PPP1R42: variants seen among roughly 807,000 people sequenced by gnomAD.
The protein encoded by PPP1R42 is protein phosphatase 1 regulatory subunit 42, also known as leucine rich repeat containing 67.
In PPP1R42, 34 loss-of-function variants were observed where a neutral mutation model predicts 31.0. The observed-to-expected ratio is 1.10, with a 90% CI of 0.83 to 1.46. The LOEUF (loss-of-function observed/expected upper bound fraction) is 1.46. Among genes scored for constraint, PPP1R42 ranks in the 40% most tolerant of loss-of-function variants. The pLI is 0.00. For synonymous variants in PPP1R42, 103 were observed against 109.8 expected, an observed-to-expected ratio of 0.94 and a Z score of 0.39; for missense variants, 268 against 303.0, an observed-to-expected ratio of 0.88 and a Z score of 0.86.
At chr8:67,002,347 G>A (rs1305479226) in intron 5 of PPP1R42, among the ~76,000 whole-genome samples, 1 of 152,124 alleles carries the variant, frequency 6.6e-6, no homozygotes, top group Non-Finnish European at 1.5e-5. Flanking sequence ...CTACAGGCAT[G>A]AGCCACTACA....
intron 6 of PPP1R42, chr8:66,985,298 GGT>G (rs1449579142): frequency 1.2e-6 from 1 of 854,692 alleles, no homozygotes; most frequent in Non-Finnish European, 2.0e-6. Flanking sequence ...GGTCAAAAAA[GGT>G]ATTGGACTCC....
At chr8:67,015,914 T>A (rs1045169579) in intron 2 of PPP1R42, among the ~76,000 whole-genome samples, 2 of 152,244 alleles carry the variant, frequency 1.3e-5, no homozygotes, top group African/African-American at 4.8e-5. Context: ...TAGAAGTTAT[T>A]CTCATTTTAG....
chr8:67,020,562 A>G (rs1411961426), intron 1 of PPP1R42, among the ~76,000 whole-genome samples: 2 of 152,228 alleles, frequency 1.3e-5, no homozygotes, highest in Admixed American at 1.3e-4. Flanking sequence ...CTTACTAGTT[A>G]GGCATCTTGG....
At chr8:67,024,731 C>T (rs1270345386) in intron 1 of PPP1R42, among the ~76,000 whole-genome samples, 1 of 151,988 alleles carries the variant, frequency 6.6e-6, no homozygotes, top group African/African-American at 2.4e-5. Context: ...CCCACCTCGG[C>T]CTCCCAGAGT....
intron 1 of PPP1R42, among the ~76,000 whole-genome samples, chr8:67,021,649 T>A (rs1816221036): frequency 6.6e-6 from 1 of 152,140 alleles, no homozygotes; most frequent in African/African-American, 2.4e-5. Flanking sequence ...ACAAATACAT[T>A]TGAAACCCCT....
intron 4 of PPP1R42, among the ~76,000 whole-genome samples, chr8:67,012,276 A>G (rs1444073516): frequency 6.6e-6 from 1 of 152,184 alleles, no homozygotes; most frequent in East Asian, 1.9e-4. Context: ...GAAATCTGTA[A>G]AACAACTACC....
intron 1 of PPP1R42, among the ~76,000 whole-genome samples, chr8:67,024,977 G>A (rs2129537268): frequency 7.6e-6 from 1 of 131,334 alleles, no homozygotes; most frequent in South Asian, 2.4e-4. Flanking sequence ...GTTCACTCTT[G>A]CCCAGGCTGG....
intron 1 of PPP1R42, among the ~76,000 whole-genome samples, chr8:67,021,584 A>G (rs1413379906): frequency 1.3e-5 from 2 of 152,212 alleles, no homozygotes; most frequent in African/African-American, 4.8e-5. Flanking sequence ...TGATAAAAGT[A>G]TAAGAATAGT....
At chr8:67,010,266 A>C (rs1815804597) in intron 5 of PPP1R42, among the ~76,000 whole-genome samples, 1 of 152,224 alleles carries the variant, frequency 6.6e-6, no homozygotes, top group Non-Finnish European at 1.5e-5. Context: ...ATATAACATG[A>C]CATTAATATA....
At chr8:67,013,303 T>A (rs575877740) in intron 3 of PPP1R42, among the ~76,000 whole-genome samples, 1 of 152,214 alleles carries the variant, frequency 6.6e-6, no homozygotes, top group South Asian at 2.1e-4. Context: ...AAGTACATTT[T>A]TTTTTTGCTT....
At chr8:66,989,102 G>A (rs939779120) in intron 5 of PPP1R42, among the ~76,000 whole-genome samples, 2 of 152,120 alleles carry the variant, frequency 1.3e-5, no homozygotes, top group East Asian at 1.9e-4. Flanking sequence ...AGGGACTTTC[G>A]GGAGGGTACA....
intron 1 of PPP1R42, among the ~76,000 whole-genome samples, chr8:67,028,289 T>C (rs1816464263): frequency 6.6e-6 from 1 of 152,176 alleles, no homozygotes; most frequent in Admixed American, 6.5e-5. Context: ...TCTAGAGCTG[T>C]TTCACAATCT....
chr8:66,968,771 A>G (rs549359414), intron 7 of PPP1R42, among the ~76,000 whole-genome samples: 1 of 152,302 alleles, frequency 6.6e-6, no homozygotes, highest in Non-Finnish European at 1.5e-5. Flanking sequence ...AGAACTGATA[A>G]TCTCATTTAA....
intron 7 of PPP1R42, among the ~76,000 whole-genome samples, chr8:66,973,294 T>C (rs1814585747): frequency 6.6e-6 from 1 of 151,932 alleles, no homozygotes; most frequent in African/African-American, 2.4e-5. Context: ...TTTTTTGGTT[T>C]TTTGTTTTGT....
chr8:67,003,183 A>AG (rs1815558997), intron 5 of PPP1R42, among the ~76,000 whole-genome samples: 1 of 150,694 alleles, frequency 6.6e-6, no homozygotes, highest in African/African-American at 2.4e-5. Context: ...AAAAAAAAAA[A>AG]AAAGAAAAAT....
chr8:66,983,225 T>C (rs1234753932), intron 6 of PPP1R42, among the ~76,000 whole-genome samples: 1 of 152,178 alleles, frequency 6.6e-6, no homozygotes, highest in African/African-American at 2.4e-5. Context: ...GTATATAAAA[T>C]TGGAATCCTC....
intron 7 of PPP1R42, among the ~76,000 whole-genome samples, chr8:66,966,974 TA>T (rs965576495): frequency 6.6e-6 from 1 of 152,162 alleles, no homozygotes; most frequent in African/African-American, 2.4e-5. Flanking sequence ...CTGTTTTAAC[TA>T]AAAAAAGTTT....
At chr8:67,005,853 T>A (rs976975863) in intron 5 of PPP1R42, among the ~76,000 whole-genome samples, 2 of 152,312 alleles carry the variant, frequency 1.3e-5, no homozygotes, top group East Asian at 3.9e-4. Context: ...TTTTTTTTTT[T>A]TAAAAATCCT....
At chr8:66,971,757 T>C (rs926696068) in intron 7 of PPP1R42, among the ~76,000 whole-genome samples, 1 of 152,254 alleles carries the variant, frequency 6.6e-6, no homozygotes. Context: ...GTTTACAATT[T>C]TGTGTTATAT....
Sources: allele counts gnomAD v4.1 joint callset (sites outside exome capture counted in the v4.1 genomes callset), GRCh38; gene constraint gnomAD v4.1.1; transcripts MANE v1.5; gene names NCBI Gene and HGNC (gene_info 2026-07-23, HGNC 2026-07-21).